POLI: variants seen among roughly 807,000 people sequenced by gnomAD.
The protein encoded by POLI is DNA polymerase iota, also known as RAD30 homolog B.
A neutral mutation model predicts 51.6 loss-of-function variants in POLI; 58 were observed. The ratio of observed to expected loss-of-function variants is 1.12; its 90% CI spans 0.91 to 1.40. POLI has a LOEUF of 1.40. Among genes scored for constraint, POLI ranks in the 40% most tolerant of loss-of-function variants. POLI has a pLI of 0.00. For synonymous variants in POLI, 322 were observed against 299.7 expected (o/e 1.07, Z -0.77); for missense variants, 921 against 871.3 (o/e 1.06, Z -0.72).
intron 3 of POLI, among the ~76,000 whole-genome samples, chr18:54,307,779 G>T (rs2088612234): frequency 6.6e-6 from 1 of 152,116 alleles, no homozygotes; most frequent in Non-Finnish European, 1.5e-5. Context: ...TGTATTGGGT[G>T]CATATATATT....
At chr18:54,290,682 A>T (rs978830702) in intron 8 of POLI, among the ~76,000 whole-genome samples, 4 of 152,174 alleles carry the variant, frequency 2.6e-5, no homozygotes, top group Non-Finnish European at 5.9e-5. Flanking sequence ...CTTTGCAAGG[A>T]CATGGATGAA....
chr18:54,289,893 A>G lies in POLI; in HGVS notation c.1199-1940A>G, dbSNP rs542759343. On this transcript the variant is annotated intron_variant, in intron 8 of 9. Coordinates refer to ENST00000579534, the MANE Select transcript of POLI (RefSeq NM_007195.3). ...AAAAACCCTAGAAGAAAACCTAGGC[A>G]ATAGCATTTAGTACATAAGCATGGG... Among the ~76,000 whole-genome samples the G allele has an allele frequency of 4.7e-4, 71 of 152,336 alleles. 1 individual carries two copies. Among genetic ancestry groups the G allele is most frequent in the African/African-American group, 1.6e-3 (68 of 41,576 alleles).
intron 8 of POLI, among the ~76,000 whole-genome samples, chr18:54,289,425 G>A (rs1465037766): frequency 6.6e-6 from 1 of 151,988 alleles, no homozygotes; most frequent in Non-Finnish European, 1.5e-5. Context: ...TAGGTTCAAT[G>A]CCATCCCCAT....
In POLI at chr18:54,283,006, A is replaced by G; in HGVS notation, c.966A>G (p.Gly322=). Residue 322 remains glycine, a synonymous_variant, in exon 6 of 10, where the codon GGA becomes GGG. Coordinates refer to ENST00000579534, the MANE Select transcript of POLI (RefSeq NM_007195.3). The part of the protein sequence containing the change: ...GEDNSPVILS[G]PPQSFSEEDS... ...ATAACTCCCCTGTGATACTCTCAGG[A>G]CCACCTCAGGTACATGATGATACTT... 6.3e-7 allele frequency: 1 copy of G among 1,597,112 alleles called. No homozygotes were observed.
At chr18:54,309,321 T>C (rs1269582630) in intron 3 of POLI, among the ~76,000 whole-genome samples, 1 of 152,220 alleles carries the variant, frequency 6.6e-6, no homozygotes, top group South Asian at 2.1e-4. Flanking sequence ...GTTTGTTAGT[T>C]TTCCTTCTAA....
intron 4 of POLI, chr18:54,320,986 C>G (rs1364977708): frequency 6.6e-6 from 1 of 152,092 alleles, no homozygotes; most frequent in Admixed American, 6.6e-5. Flanking sequence ...TACCCGCTGC[C>G]ATTATTTAGA....
chr18:54,299,606 TAA>T (rs1568155187), downstream of POLI, among the ~76,000 whole-genome samples: 1 of 152,046 alleles, frequency 6.6e-6, no homozygotes, highest in Non-Finnish European at 1.5e-5. Context: ...GAAAAAATAA[TAA>T]ACACAGCATC....
At chr18:54,311,615 A>G (rs1457777843) in intron 3 of POLI, among the ~76,000 whole-genome samples, 1 of 152,222 alleles carries the variant, frequency 6.6e-6, no homozygotes, top group East Asian at 1.9e-4. Context: ...GCTTAGCCAG[A>G]CTATAGTGTT....
At chr18:54,278,289 C>T (rs990766649) in intron 4 of POLI, among the ~76,000 whole-genome samples, 18 of 152,110 alleles carry the variant, frequency 1.2e-4, no homozygotes, top group Non-Finnish European at 2.9e-5. Context: ...GAGCAAGATC[C>T]CATCTCTTAA....
chr18:54,284,414 A>G (rs1231942440), intron 7 of POLI, among the ~76,000 whole-genome samples: 6 of 152,224 alleles, frequency 3.9e-5, no homozygotes, highest in Admixed American at 6.5e-5. Flanking sequence ...TCATTAAGTT[A>G]GTACCATGCT....
chr18:54,280,758 G>T lies in POLI; in HGVS notation c.651G>T (p.Gly217=). 6.2e-7 allele frequency: 1 copy of T among 1,613,740 alleles called. No individual in the cohort carries two copies. Among genetic ancestry groups the T allele is most frequent in the Non-Finnish European group, 8.5e-7 (1 of 1,179,688 alleles). The part of the protein sequence containing the change: ...EMREAMYNQL[G]LTGCAGVASN... ...GGGAAGCCATGTATAATCAGTTGGG[G>T]CTCACTGGCTGTGCTGGAGTGGCTT... is the stretch of plus-strand genomic sequence containing the variant. Residue 217 remains glycine (G), a synonymous_variant, in exon 5 of 10, where the codon GGG becomes GGT. Coordinates refer to ENST00000579534, the MANE Select transcript of POLI (RefSeq NM_007195.3).
chr18:54,282,194 TTAA>T (rs1171610130), intron 5 of POLI, among the ~76,000 whole-genome samples: 1 of 152,176 alleles, frequency 6.6e-6, no homozygotes, highest in African/African-American at 2.4e-5. Context: ...TTTTTGTATA[TTAA>T]TAATAATCAT....
intron 1 of POLI, 23 bp downstream of exon 1, chr18:54,269,684 A>G: frequency 1.3e-6 from 2 of 1,495,206 alleles, no homozygotes; most frequent in Non-Finnish European, 1.8e-6. Context: ...CAGAGGAGCC[A>G]GCGGCCTCCT....
intron 4 of POLI, among the ~76,000 whole-genome samples, chr18:54,279,878 A>T (rs1448370402): frequency 6.6e-6 from 1 of 152,246 alleles, no homozygotes; most frequent in Non-Finnish European, 1.5e-5. Flanking sequence ...TCTTTAAAGT[A>T]TAATGTTAGC....
chr18:54,269,990 A>G (rs2086929975), intron 1 of POLI: 3 of 1,075,796 alleles, frequency 2.8e-6, no homozygotes, highest in Non-Finnish European at 3.4e-6. Flanking sequence ...TGGGCCTTTT[A>G]ACTTTGGAGA....
chr18:54,290,722 C>T (rs2087968373), intron 8 of POLI, among the ~76,000 whole-genome samples: 1 of 152,110 alleles, frequency 6.6e-6, no homozygotes, highest in African/African-American at 2.4e-5. Context: ...AGCAAACTAT[C>T]ACCAGGATAG....
In POLI at chr18:54,291,851, C is replaced by A. The variant is rs756576246; in HGVS notation, c.1217C>A (p.Thr406Asn). ...KLGTGNYDVM[T>N]PMVDILMKLF... ...TATTTAGGAAATTATGATGTGATGA[C>A]CCCAATGGTTGATATACTTATGAAA... is the stretch of plus-strand genomic sequence containing the variant. Residue 406 changes from threonine to asparagine, a missense_variant, in exon 9 of 10, where the codon ACC becomes AAC. Transcript: ENST00000579534. 74 of 1,557,702 alleles carry A rather than the reference C, an allele frequency of 4.8e-5. No individual in the cohort carries two copies. The Admixed American group carries it at 1.2e-3, about 25-fold the overall frequency.
At chr18:54,282,342 T>G (rs1179971621) in intron 5 of POLI, among the ~76,000 whole-genome samples, 1 of 152,158 alleles carries the variant, frequency 6.6e-6, no homozygotes. Flanking sequence ...GTGCATATAA[T>G]TCAGGAGCCC....
chr18:54,272,222 A>G (rs2087035737), intron 2 of POLI: 1 of 152,190 alleles, frequency 6.6e-6, no homozygotes, highest in South Asian at 2.1e-4. Flanking sequence ...CAAAGGGATG[A>G]CTAGTTTTTG....
Sources: allele counts gnomAD v4.1 joint callset (sites outside exome capture counted in the v4.1 genomes callset), GRCh38; gene constraint gnomAD v4.1.1; transcripts MANE v1.5; gene names NCBI Gene and HGNC (gene_info 2026-07-23, HGNC 2026-07-21).